The following COLEC10 variants were observed in gnomAD, a reference collection of about 807,000 sequenced individuals.
The protein encoded by COLEC10 is collectin-10.
COLEC10 carries 22 observed loss-of-function variants against 28.4 expected under a neutral mutation model. The ratio of observed to expected loss-of-function variants is 0.78; its 90% CI spans 0.55 to 1.11. COLEC10 has a LOEUF of 1.11. Ranked by LOEUF, COLEC10 falls within the 50% of genes least tolerant of loss-of-function variation. COLEC10 has a pLI of 0.00. For synonymous variants in COLEC10, 125 were observed against 116.1 expected (o/e 1.08, Z -0.49); for missense variants, 361 against 344.1 (o/e 1.05, Z -0.39).
chr8:119,092,946 A>C (rs4537331), intron 3 of COLEC10, among the ~76,000 whole-genome samples: 15,816 of 152,012 alleles, frequency 0.1, 992 homozygotes, highest in Middle Eastern at 0.19. Flanking sequence ...TAACATGACT[A>C]CTCCAGGACT....
chr8:119,001,024 C>T (rs557221799), intron 1 of COLEC10, among the ~76,000 whole-genome samples: 9 of 152,174 alleles, frequency 5.9e-5, no homozygotes, highest in East Asian at 3.9e-4. Context: ...ATTACTGGGA[C>T]GATCAGTAAA....
chr8:119,011,691 A>G (rs750839321), intron 2 of COLEC10, among the ~76,000 whole-genome samples: 1 of 150,864 alleles, frequency 6.6e-6, no homozygotes, highest in Non-Finnish European at 1.5e-5. Context: ...TTAGACTTAT[A>G]TCTAAGTATT....
chr8:119,069,629 A>AAAAAAAAAATAT (rs1554627284), intron 1 of COLEC10, among the ~76,000 whole-genome samples: 4 of 42,880 alleles, frequency 9.3e-5, no homozygotes, highest in Non-Finnish European at 1.8e-4. Context: ...AAAAAAAAAA[A>AAAAAAAAAATAT]ATATATATAT....
chr8:118,973,832 C>A, the COLEC10 span, among the ~76,000 whole-genome samples: 4 of 151,940 alleles, frequency 2.6e-5, no homozygotes, highest in Non-Finnish European at 1.5e-5. Context: ...TCCAAACCTT[C>A]CAGCTATTAC....
the COLEC10 span, among the ~76,000 whole-genome samples, chr8:118,961,161 T>C: frequency 6.6e-6 from 1 of 152,292 alleles, no homozygotes; most frequent in East Asian, 1.9e-4. Context: ...TGATTAATAT[T>C]CCTACTATAG....
rs766911385 is a variant in COLEC10 at position 119,067,395 on chromosome 8, CTG to C, written c.117_118del (p.Ala40HisfsTer12). On this transcript the variant is annotated frameshift_variant, in exon 1 of 6. Transcript: ENST00000332843. LOFTEE classifies it high-confidence loss of function. ...TTGATAGCCGTCCTACCGCTGAAGT[CTG>C]TGCCACACACACAATTTCACCAGGA... ...DIDSRPTAEV[C>X]ATHTISPGPK... is the part of the protein sequence containing the mutation. 2 of 1,613,980 alleles carry C rather than the reference CTG, an allele frequency of 1.2e-6. No individual in the cohort carries two copies. The highest frequency in any genetic ancestry group is 2.2e-5 in the South Asian group (2 of 91,070).
chr8:119,029,352 C>G (rs1217396603), intron 2 of COLEC10, among the ~76,000 whole-genome samples: 1 of 152,194 alleles, frequency 6.6e-6, no homozygotes, highest in African/African-American at 2.4e-5. Flanking sequence ...GCAATCTGGA[C>G]AATCAAGTCT....
In COLEC10 at chr8:119,108,114, G is replaced by A. The variant is rs939392355; in HGVS notation, c.*1923G>A. 1.3e-5 allele frequency among the ~76,000 whole-genome samples: 2 copies of A among 152,086 alleles called. No individual in the cohort carries two copies. The highest frequency in any genetic ancestry group is 4.8e-5 in the African/African-American group (2 of 41,410). ...TTTGTTATATGTTTGACATTTATCA[G>A]GTTACTAGTTAAACTCTTTTGAGAT... is the stretch of plus-strand genomic sequence containing the variant. On this transcript the variant is annotated 3_prime_UTR_variant, in exon 6 of 6. Transcript: ENST00000332843.
chr8:118,983,842 T>C, the COLEC10 span, among the ~76,000 whole-genome samples: 1 of 152,132 alleles, frequency 6.6e-6, no homozygotes, highest in Non-Finnish European at 1.5e-5. Flanking sequence ...TAACAGATGC[T>C]GGTGAGGTTG....
the COLEC10 span, among the ~76,000 whole-genome samples, chr8:118,956,794 C>T: frequency 6.6e-6 from 1 of 152,118 alleles, no homozygotes; most frequent in Admixed American, 6.6e-5. Flanking sequence ...GAAATGCTCC[C>T]CACTTCCCTG....
chr8:119,060,588 A>G (rs1291558041), intron 2 of COLEC10, among the ~76,000 whole-genome samples: 1 of 152,116 alleles, frequency 6.6e-6, no homozygotes, highest in East Asian at 1.9e-4. Context: ...AGAAAGTAAG[A>G]ACAGTGAGTT....
At chr8:118,991,935 G>A (rs949724624), upstream of COLEC10, among the ~76,000 whole-genome samples, 1 of 152,066 alleles carries the variant, frequency 6.6e-6, no homozygotes, top group African/African-American at 2.4e-5. Flanking sequence ...GTTGCCTAGA[G>A]GACAAATCTT....
chr8:119,077,984 G>A (rs1815287460), intron 1 of COLEC10, among the ~76,000 whole-genome samples: 1 of 152,010 alleles, frequency 6.6e-6, no homozygotes, highest in Admixed American at 6.6e-5. Context: ...TACAATCATG[G>A]CAGAAGAGCA....
chr8:118,985,072 G>C, the COLEC10 span, among the ~76,000 whole-genome samples: 1 of 147,036 alleles, frequency 6.8e-6, no homozygotes, highest in Non-Finnish European at 1.5e-5. Flanking sequence ...GATTTGGGGT[G>C]GGGGGGACAC....
chr8:119,073,230 G>T (rs1247607674), intron 1 of COLEC10, among the ~76,000 whole-genome samples: 2 of 152,170 alleles, frequency 1.3e-5, no homozygotes, highest in African/African-American at 4.8e-5. Flanking sequence ...CAGATTTTTG[G>T]AGCAGGCATT....
At chr8:118,989,027 G>A in the COLEC10 span, among the ~76,000 whole-genome samples, 27 of 152,254 alleles carry the variant, frequency 1.8e-4, no homozygotes, top group Middle Eastern at 3.4e-3. Context: ...ATCAGAATGC[G>A]ACTCAGATAT....
At chr8:119,046,903 C>T (rs553006147) in intron 2 of COLEC10, among the ~76,000 whole-genome samples, 12 of 152,088 alleles carry the variant, frequency 7.9e-5, no homozygotes, top group Non-Finnish European at 1.2e-4. Flanking sequence ...ATAGGCTAGT[C>T]GGTGGTCCTA....
At chr8:118,989,914 C>T in the COLEC10 span, among the ~76,000 whole-genome samples, 1 of 152,072 alleles carries the variant, frequency 6.6e-6, no homozygotes, top group Non-Finnish European at 1.5e-5. Flanking sequence ...TGAAATGTTT[C>T]AGTGAGCATT....
At chr8:118,974,558 G>A in the COLEC10 span, among the ~76,000 whole-genome samples, 2 of 151,850 alleles carry the variant, frequency 1.3e-5, no homozygotes, top group African/African-American at 2.4e-5. Flanking sequence ...GTCTTGTTCT[G>A]GGAACAACTG....
Sources: allele counts gnomAD v4.1 joint callset (sites outside exome capture counted in the v4.1 genomes callset), GRCh38; gene constraint gnomAD v4.1.1; transcripts MANE v1.5; gene names NCBI Gene and HGNC (gene_info 2026-07-23, HGNC 2026-07-21).